The following SIRT2 variants were observed in gnomAD, a reference collection of about 807,000 sequenced individuals.
SIRT2 encodes the protein NAD-dependent protein deacetylase sirtuin-2.
SIRT2 carries 40 observed loss-of-function variants against 57.4 expected under a neutral mutation model. The ratio of observed to expected loss-of-function variants is 0.70; its 90% CI spans 0.54 to 0.91. The LOEUF is 0.91. Ranked by LOEUF, SIRT2 falls within the 40% of genes least tolerant of loss-of-function variation. The pLI, the probability that SIRT2 is intolerant of heterozygous loss-of-function variation, is 0.00. For missense variants in SIRT2, 439 were observed against 510.4 expected, an observed-to-expected ratio of 0.86 and a Z score of 1.35; for synonymous variants, 161 against 195.7, an observed-to-expected ratio of 0.82 and a Z score of 1.48.
chr19:38,878,930 G>A lies in SIRT2; in HGVS notation c.*225C>T. 1.9e-6 allele frequency: 1 copy of A among 521,080 alleles called. No individual in the cohort carries two copies. The highest frequency in any genetic ancestry group is 3.3e-6 in the Non-Finnish European group (1 of 299,474). 32.3% of individuals were successfully genotyped at this position (521,080 alleles called of 1,614,324 possible). A position where few individuals can be genotyped will look rare whatever the true frequency, so the allele number is the denominator to read the frequency against. On this transcript the variant is annotated 3_prime_UTR_variant, in exon 16 of 16. Coordinates refer to ENST00000249396, the MANE Select transcript of SIRT2 (RefSeq NM_012237.4). Reference sequence around the variant, plus strand: ...CCCAGGAGTGGTTAGAGACAGTGGGGCTGGTAGAGATGCCTGTTTAAGCCT... The same window carrying A: ...CCCAGGAGTGGTTAGAGACAGTGGGACTGGTAGAGATGCCTGTTTAAGCCT...
intron 2 of SIRT2, among the ~76,000 whole-genome samples, chr19:38,897,714 G>T (rs190240321): frequency 6.6e-6 from 1 of 152,108 alleles, no homozygotes; most frequent in Non-Finnish European, 1.5e-5. Context: ...TTGTAGAGGT[G>T]GGGGCCTCCC....
intron 4 of SIRT2, chr19:38,891,759 C>G (rs1332770911): frequency 2.5e-6 from 1 of 407,162 alleles, no homozygotes; most frequent in Non-Finnish European, 5.2e-6. Flanking sequence ...TTTTTCATTA[C>G]TATCTCCTCC....
Position 38,880,450 on chromosome 19 carries a change from A to C in SIRT2, c.876+235T>G. ...CCCCTCCCACCTCCTCAGTCCCTGG[A>C]AGCCCGGCCTTCCTATCTGGCTTCA... On this transcript the variant is annotated intron_variant, in intron 13 of 15. Coordinates refer to ENST00000249396, the MANE Select transcript of SIRT2 (RefSeq NM_012237.4). This position sits in a 1 kb window ranked among gnomAD's most constrained non-coding sequence, Gnocchi z 4.1. 2.2e-6 allele frequency: 1 copy of C among 447,282 alleles called. No homozygotes were observed. 27.7% of individuals were successfully genotyped at this position (447,282 alleles called of 1,614,324 possible).
intron 4 of SIRT2, 99 bp downstream of exon 4, chr19:38,893,315 A>G: frequency 1.3e-6 from 1 of 769,024 alleles, no homozygotes; most frequent in Non-Finnish European, 2.3e-6. Flanking sequence ...TGCTACTTAT[A>G]AAGAAAAGGT....
At chr19:38,898,607 G>A (rs1368491920) in intron 1 of SIRT2, 182 bp from the exon 2 acceptor site, 1 of 407,814 alleles carries the variant, frequency 2.5e-6, no homozygotes, top group Non-Finnish European at 4.4e-6. Flanking sequence ...TACATGCAAA[G>A]TGATGCCGGG....
At chr19:38,896,625 G>A (rs745621821) in intron 2 of SIRT2, among the ~76,000 whole-genome samples, 41 of 152,162 alleles carry the variant, frequency 2.7e-4, no homozygotes, top group Admixed American at 7.9e-4. Flanking sequence ...GCCCTGTGAC[G>A]GACAATGCTG....
At position 38,898,429 on chromosome 19, in the gene SIRT2, G is replaced by C; in HGVS notation, c.17-4C>G. 6.5e-7 allele frequency: 1 copy of C among 1,532,204 alleles called. No individual in the cohort carries two copies. The highest frequency in any genetic ancestry group is 8.9e-7 in the Non-Finnish European group (1 of 1,129,754). 94.9% of individuals were successfully genotyped at this position (1,532,204 alleles called of 1,614,324 possible). On this transcript the variant is annotated splice_polypyrimidine_tract_variant and splice_region_variant and intron_variant, in intron 1 of 15. Coordinates refer to ENST00000249396, the MANE Select transcript of SIRT2 (RefSeq NM_012237.4). The stretch of plus-strand genomic sequence containing the variant: ...TGGGTCTCCAGAGGGTGAGAGGCTG[G>C]GGGAGGGGAGCAGAGGTGGTTACAG...
At position 38,879,504 on chromosome 19, in the gene SIRT2, C is replaced by G; in HGVS notation, c.948-4G>C. Reference sequence around the variant, plus strand: ...TTCACCCAGCCAGGCCACGTCCCTGCGGTGCAGCAGGAGATCAGAGTTCCC... The same window carrying G: ...TTCACCCAGCCAGGCCACGTCCCTGGGGTGCAGCAGGAGATCAGAGTTCCC... On this transcript the variant is annotated splice_region_variant and splice_polypyrimidine_tract_variant and intron_variant, in intron 14 of 15. Coordinates refer to ENST00000249396, the MANE Select transcript of SIRT2 (RefSeq NM_012237.4). The G allele has an allele frequency of 1.2e-6, 2 of 1,602,348 alleles. No individual in the cohort carries two copies. Among genetic ancestry groups the G allele is most frequent in the Non-Finnish European group, 1.7e-6 (2 of 1,174,418 alleles).
chr19:38,893,430 G>A lies in SIRT2; in HGVS notation c.210C>T (p.Tyr70=). The A allele has an allele frequency of 6.2e-7, 1 of 1,612,850 alleles. No individual in the cohort carries two copies. Among genetic ancestry groups the A allele is most frequent in the Non-Finnish European group, 8.5e-7 (1 of 1,178,868 alleles). Residue 70 remains tyrosine, a synonymous_variant, in exon 4 of 16, where the codon TAC becomes TAT. Coordinates refer to ENST00000249396, the MANE Select transcript of SIRT2 (RefSeq NM_012237.4). ...DELTLEGVAR[Y]MQSERCRRVI... Reference sequence around the variant, plus strand: ...GGGACTCACAGCGTTCGCTCTGCATGTACCGGGCCACCCCTTCCAAGGTCA... The same window carrying A: ...GGGACTCACAGCGTTCGCTCTGCATATACCGGGCCACCCCTTCCAAGGTCA...
chr19:38,881,244 G>T, intron 10 of SIRT2, 89 bp from the exon 11 acceptor site: 3 of 1,373,042 alleles, frequency 2.2e-6, no homozygotes, highest in Non-Finnish European at 3.0e-6. Flanking sequence ...GGAGGCCACA[G>T]TGGGAGTTGG....
intron 2 of SIRT2, chr19:38,894,918 G>A (rs1568406457): frequency 2.2e-6 from 1 of 456,004 alleles, no homozygotes; most frequent in Non-Finnish European, 4.4e-6. Flanking sequence ...CTGGCTTCCT[G>A]GACACCTTGC....
chr19:38,898,614 C>T (rs980562097), intron 1 of SIRT2, 189 bp from the exon 2 acceptor site: 6 of 401,830 alleles, frequency 1.5e-5, no homozygotes, highest in Non-Finnish European at 2.2e-5. Flanking sequence ...AAAGTGATGC[C>T]GGGAGAGGTG....
chr19:38,898,115 C>A (rs1300435610), intron 2 of SIRT2, among the ~76,000 whole-genome samples: 3 of 152,204 alleles, frequency 2.0e-5, no homozygotes, highest in African/African-American at 7.2e-5. Context: ...AGTCCCAGGA[C>A]AAATGTGGTT....
At chr19:38,896,346 T>C (rs942155190) in intron 2 of SIRT2, among the ~76,000 whole-genome samples, 1 of 152,202 alleles carries the variant, frequency 6.6e-6, no homozygotes, top group Non-Finnish European at 1.5e-5. Context: ...TCTTGAGTTT[T>C]CGGCAGAACA....
intron 8 of SIRT2, among the ~76,000 whole-genome samples, chr19:38,884,361 G>A (rs544519920): frequency 1.1e-4 from 16 of 152,302 alleles, no homozygotes; most frequent in Non-Finnish European, 1.9e-4. Flanking sequence ...TGTGCAGTGC[G>A]CACCCTGCAC....
intron 7 of SIRT2, chr19:38,889,367 G>A (rs1973448427): frequency 1.4e-6 from 1 of 716,042 alleles, no homozygotes; most frequent in East Asian, 2.7e-5. Flanking sequence ...GTCACACGGT[G>A]GGTAAGCTGC....
At chr19:38,883,128 T>A (rs1030341313) in intron 9 of SIRT2, among the ~76,000 whole-genome samples, 2 of 148,680 alleles carry the variant, frequency 1.3e-5, no homozygotes, top group African/African-American at 5.0e-5. Context: ...TTGCCCAAGC[T>A]GGAGTGCAAT....
In SIRT2 at chr19:38,880,676, G is replaced by C; in HGVS notation, c.876+9C>G. Reference sequence around the variant, plus strand: ...CTGTGACGACGGGGGCTTGAAGAAGGGCTCTTACCTGGCCAGCTTTCTCCT... The same window carrying C: ...CTGTGACGACGGGGGCTTGAAGAAGCGCTCTTACCTGGCCAGCTTTCTCCT... On this transcript the variant is annotated intron_variant, in intron 13 of 15. Transcript: ENST00000249396. The surrounding 1 kb of genome is among the most constrained non-coding windows in gnomAD (Gnocchi z 4.1). 1 of 1,543,288 alleles carries C rather than the reference G, an allele frequency of 6.5e-7. No individual in the cohort carries two copies. Among genetic ancestry groups the C allele is most frequent in the South Asian group, 1.2e-5 (1 of 80,612 alleles).
At position 38,880,956 on chromosome 19, in the gene SIRT2, C is replaced by T. The variant is rs1009190611; in HGVS notation, c.748-59G>A. The T allele has an allele frequency of 8.9e-6, 14 of 1,577,148 alleles. No individual in the cohort carries two copies. Among genetic ancestry groups the T allele is most frequent in the East Asian group, 6.7e-5 (3 of 44,556 alleles). Reference sequence around the variant, plus strand: ...CCCAGGCTGCGCCACCGCTCCCTCCCCCGCCCCCAGCAGCAAACCTCCCTG... The same window carrying T: ...CCCAGGCTGCGCCACCGCTCCCTCCTCCGCCCCCAGCAGCAAACCTCCCTG... On this transcript the variant is annotated intron_variant, in intron 11 of 15. Transcript: ENST00000249396. The surrounding 1 kb of genome is among the most constrained non-coding windows in gnomAD (Gnocchi z 4.1).
Sources: gnomAD v4.1 joint callset for allele counts (sites outside exome capture counted in the v4.1 genomes callset) on GRCh38, gnomAD v4.1.1 for gene constraint, Gnocchi (gnomAD v3.1) non-coding constraint, MANE v1.5 for transcripts, NCBI Gene and HGNC (gene_info 2026-07-23, HGNC 2026-07-21) for gene names.